TGM6: variants seen among roughly 807,000 people sequenced by gnomAD.
TGM6 encodes the protein protein-glutamine gamma-glutamyltransferase 6.
TGM6 carries 74 observed loss-of-function variants against 77.5 expected under a neutral mutation model. The observed-to-expected ratio is 0.96, with a 90% CI of 0.79 to 1.16. The LOEUF (loss-of-function observed/expected upper bound fraction) is 1.16, where lower values mean the gene tolerates loss of function less well. TGM6 is among the 50% of genes most tolerant of loss of function. The pLI is 0.00. For synonymous variants in TGM6, 383 were observed against 378.9 expected, an observed-to-expected ratio of 1.01 and a Z score of -0.12; for missense variants, 968 against 940.2, an observed-to-expected ratio of 1.03 and a Z score of -0.39.
intron 9 of TGM6, among the ~76,000 whole-genome samples, chr20:2,407,821 C>T (rs553631040): frequency 6.6e-6 from 1 of 152,218 alleles, no homozygotes; most frequent in African/African-American, 2.4e-5. Context: ...TTTTCATGTG[C>T]TCTCAAAGTA....
At chr20:2,390,669 A>G (rs2084623979) in intron 1 of TGM6, among the ~76,000 whole-genome samples, 1 of 152,244 alleles carries the variant, frequency 6.6e-6, no homozygotes, top group Non-Finnish European at 1.5e-5. Context: ...AATAAAATAT[A>G]TTGTAAGATG....
intron 1 of TGM6, among the ~76,000 whole-genome samples, chr20:2,390,491 T>C (rs1315712679): frequency 6.6e-6 from 1 of 152,214 alleles, no homozygotes; most frequent in African/African-American, 2.4e-5. Context: ...ATTTCACTTC[T>C]CTTTCCCTCA....
intron 9 of TGM6, among the ~76,000 whole-genome samples, chr20:2,413,845 C>A (rs896382826): frequency 6.6e-6 from 1 of 152,108 alleles, no homozygotes; most frequent in Non-Finnish European, 1.5e-5. Context: ...TTAGACCAAG[C>A]CTTTTCAGAA....
chr20:2,399,625 C>G lies in TGM6; in HGVS notation c.737C>G (p.Thr246Ser). ...GQWQGKYGGG[T>S]SPLHWRGSVA... ...TGGCAGGGCAAGTACGGCGGCGGCA[C>G]CAGCCCGCTGCACTGGCGCGGCAGC... Residue 246 changes from threonine (T) to serine (S), a missense_variant, in exon 6 of 13, where the codon ACC becomes AGC. Transcript: ENST00000202625. 6.2e-7 allele frequency: 1 copy of G among 1,613,474 alleles called. No homozygotes were observed. Among genetic ancestry groups the G allele is most frequent in the Non-Finnish European group, 8.5e-7 (1 of 1,179,972 alleles).
At chr20:2,389,497 T>A (rs1382672609) in intron 1 of TGM6, among the ~76,000 whole-genome samples, 3 of 152,236 alleles carry the variant, frequency 2.0e-5, no homozygotes, top group African/African-American at 7.2e-5. Context: ...ACAGATTGGT[T>A]AAGAAGCAAT....
chr20:2,421,086 A>G lies in TGM6; in HGVS notation c.1678+3513A>G, dbSNP rs569957652. Among the ~76,000 whole-genome samples, 14 of 152,152 alleles carry G rather than the reference A, an allele frequency of 9.2e-5. No homozygotes were observed. In the South Asian group the frequency reaches 2.9e-3, roughly 32 times the overall value. On this transcript the variant is annotated intron_variant, in intron 10 of 12. Transcript: ENST00000202625. ...ACTGCAACCTCCGCCTCCCGGGTTC[A>G]AGTGATTCTCCTGCCTCAGCCTCTC... is the stretch of plus-strand genomic sequence containing the variant.
chr20:2,417,985 G>T (rs546448400), intron 10 of TGM6, among the ~76,000 whole-genome samples: 1 of 152,064 alleles, frequency 6.6e-6, no homozygotes, highest in Non-Finnish European at 1.5e-5. Flanking sequence ...GAGAGGGCTG[G>T]ACTGGTAACA....
At chr20:2,395,855 A>G (rs931656675) in intron 3 of TGM6, among the ~76,000 whole-genome samples, 14 of 152,230 alleles carry the variant, frequency 9.2e-5, no homozygotes, top group Admixed American at 2.6e-4. Flanking sequence ...GGCCTTAGTA[A>G]GGGGTGGCCA....
intron 9 of TGM6, among the ~76,000 whole-genome samples, chr20:2,415,781 G>T (rs2084812122): frequency 6.6e-6 from 1 of 152,134 alleles, no homozygotes; most frequent in African/African-American, 2.4e-5. Flanking sequence ...GCAGTTGGTG[G>T]GTTTGGTTGG....
intron 1 of TGM6, among the ~76,000 whole-genome samples, chr20:2,382,730 G>A (rs2084564809): frequency 6.6e-6 from 1 of 152,126 alleles, no homozygotes; most frequent in Admixed American, 6.5e-5. Flanking sequence ...TGAGACATCA[G>A]ATCCTAGATG....
intron 1 of TGM6, among the ~76,000 whole-genome samples, chr20:2,392,051 C>T (rs1219273884): frequency 2.0e-5 from 3 of 152,188 alleles, no homozygotes; most frequent in Non-Finnish European, 4.4e-5. Context: ...TTTAGGTGTT[C>T]TCTGCTCCTG....
At chr20:2,403,314 A>C in intron 7 of TGM6, 83 bp from the exon 8 acceptor site, 1 of 1,443,044 alleles carries the variant, frequency 6.9e-7, no homozygotes, top group Non-Finnish European at 9.6e-7. Flanking sequence ...GAAAGTAGGG[A>C]GCCCAGGGCC....
chr20:2,418,895 T>C (rs1422957121), intron 10 of TGM6, among the ~76,000 whole-genome samples: 1 of 151,924 alleles, frequency 6.6e-6, no homozygotes, highest in African/African-American at 2.4e-5. Flanking sequence ...GCTAACACAG[T>C]GAAACCCCAT....
At chr20:2,425,475 A>C (rs1313063315) in intron 10 of TGM6, among the ~76,000 whole-genome samples, 2 of 152,230 alleles carry the variant, frequency 1.3e-5, no homozygotes, top group Non-Finnish European at 2.9e-5. Flanking sequence ...CAATATCTGC[A>C]AAGTACAATA....
At chr20:2,414,330 TC>T (rs777621992) in intron 9 of TGM6, among the ~76,000 whole-genome samples, 6 of 152,180 alleles carry the variant, frequency 3.9e-5, no homozygotes, top group Non-Finnish European at 8.8e-5. Flanking sequence ...CATCATTAAG[TC>T]ATTAGGAAAA....
intron 1 of TGM6, among the ~76,000 whole-genome samples, chr20:2,391,725 C>T (rs2084630606): frequency 1.3e-5 from 2 of 152,212 alleles, no homozygotes; most frequent in Admixed American, 1.3e-4. Flanking sequence ...CCAGAATGAT[C>T]TTTCCAAGGT....
chr20:2,386,006 AATT>A (rs1459666180), intron 1 of TGM6, among the ~76,000 whole-genome samples: 2 of 152,172 alleles, frequency 1.3e-5, no homozygotes, highest in African/African-American at 4.8e-5. Flanking sequence ...GTCTTAAAAG[AATT>A]TGAGCTGAGC....
chr20:2,421,855 G>T (rs1239379746), intron 10 of TGM6, among the ~76,000 whole-genome samples: 1 of 152,126 alleles, frequency 6.6e-6, no homozygotes, highest in Non-Finnish European at 1.5e-5. Flanking sequence ...TTACCGGCTG[G>T]ATGTGGTGGC....
At chr20:2,417,999 G>C (rs2084830581) in intron 10 of TGM6, among the ~76,000 whole-genome samples, 1 of 151,922 alleles carries the variant, frequency 6.6e-6, no homozygotes. Context: ...GGTAACAGAT[G>C]GTTTTCTTTG....
Sources: allele counts gnomAD v4.1 joint callset (sites outside exome capture counted in the v4.1 genomes callset), GRCh38; gene constraint gnomAD v4.1.1; transcripts MANE v1.5; gene names NCBI Gene and HGNC (gene_info 2026-07-23, HGNC 2026-07-21).